TMPRSS11B: variants seen among roughly 807,000 people sequenced by gnomAD.
TMPRSS11B encodes the protein transmembrane protease serine 11B.
Under a neutral mutation model 44.7 loss-of-function variants are expected in TMPRSS11B, and 53 were observed. The ratio of observed to expected loss-of-function variants is 1.19; its 90% CI spans 0.95 to 1.49. The LOEUF (loss-of-function observed/expected upper bound fraction) is 1.49, where lower values mean the gene tolerates loss of function less well. TMPRSS11B is among the 40% of genes most tolerant of loss of function. The probability of loss-of-function intolerance (pLI) is 0.00; values close to 1 mark genes in which losing one functional copy is unlikely to be tolerated. For missense variants in TMPRSS11B, 526 were observed against 494.8 expected, an observed-to-expected ratio of 1.06 and a Z score of -0.60; for synonymous variants, 140 against 159.2, an observed-to-expected ratio of 0.88 and a Z score of 0.91.
Position 68,229,469 on chromosome 4 carries a change from T to C in TMPRSS11B, c.734A>G (p.Asn245Ser). 3 of 1,613,496 alleles carry C rather than the reference T, an allele frequency of 1.9e-6. 1 individual carries two copies. The highest frequency in any genetic ancestry group is 2.2e-5 in the South Asian group (2 of 90,960). The change falls in exon 8 of 10, where the codon AAT (asparagine) becomes AGT (serine). Residue 245 changes from asparagine (N) to serine (S), a missense_variant. By Grantham distance (46) the Asn-to-Ser change is conservative. Transcript: ENST00000332644. ...DWTVNFGIVV[N>S]KPYMTRKVQN... is the part of the protein sequence containing the mutation. ...GACTTTCCGTGTCATATATGGTTTA[T>C]TTACTACAATTCCAAAGTTGACAGT...
Position 68,226,796 on chromosome 4 carries a change from T to A in TMPRSS11B, c.*1115A>T, listed in dbSNP as rs1432101182. 1 of 152,214 alleles carries A rather than the reference T, an allele frequency of 6.6e-6. No homozygotes were observed. Among genetic ancestry groups the A allele is most frequent in the Non-Finnish European group, 1.5e-5 (1 of 68,036 alleles). 9.4% of individuals were successfully genotyped at this position (152,214 alleles called of 1,614,324 possible). A position where few individuals can be genotyped will look rare whatever the true frequency, so the allele number is the denominator to read the frequency against. The stretch of plus-strand genomic sequence containing the variant: ...TGATTGCACTTTTACTATAAGGAGA[T>A]GCCACACAGTTCTCTGCCCTTGATG... On this transcript the variant is annotated 3_prime_UTR_variant, in exon 10 of 10. Coordinates refer to ENST00000332644, the MANE Select transcript of TMPRSS11B (RefSeq NM_182502.3).
chr4:68,236,061 A>T lies in TMPRSS11B; in HGVS notation c.249T>A (p.Asn83Lys). The T allele has an allele frequency of 6.3e-7, 1 of 1,592,854 alleles. No homozygotes were observed. Among genetic ancestry groups the T allele is most frequent in the Non-Finnish European group, 8.5e-7 (1 of 1,170,846 alleles). Residue 83 changes from asparagine to lysine, a missense_variant, in exon 4 of 10, where the codon AAT (asparagine) becomes AAA (lysine). Physicochemically the swap from Asn to Lys is moderately conservative, Grantham distance 94. Transcript: ENST00000332644. ...LSKDIETKMLNAFQNSSIYKE... is the reference protein window; with the variant it reads ...LSKDIETKMLKAFQNSSIYKE... ...TATATATACTGGAATTTTGAAATGC[A>T]TTTAACATCTGACAAGAGAAAAAAA...
In TMPRSS11B at chr4:68,227,765, T is replaced by C. The variant is rs1719394552; in HGVS notation, c.*146A>G. The C allele has an allele frequency of 3.4e-5, 14 of 414,956 alleles. No individual in the cohort carries two copies. The highest frequency in any genetic ancestry group is 4.3e-5 in the Non-Finnish European group (12 of 276,872). 25.7% of individuals were successfully genotyped at this position (414,956 alleles called of 1,614,324 possible). On this transcript the variant is annotated 3_prime_UTR_variant, in exon 10 of 10. Transcript: ENST00000332644. The stretch of plus-strand genomic sequence containing the variant: ...ATAAATGCATGGACAGTGTTTTAGA[T>C]ATAATAAAATATTAATAAAGACATT...
chr4:68,234,775 A>G (rs761651929), intron 4 of TMPRSS11B, 152 bp from the exon 5 acceptor site: 12 of 799,144 alleles, frequency 1.5e-5, no homozygotes, highest in East Asian at 2.9e-5. Context: ...ATAAAATTCA[A>G]AGATATCTAA....
Position 68,227,649 on chromosome 4 carries a change from C to T in TMPRSS11B, c.*262G>A, listed in dbSNP as rs113681437. Reference sequence around the variant, plus strand: ...CTCAAACTCCTGGGCTCAAGCAATCCGCCTATCTCGGCCTCTCAAAGTGCT... The same window carrying T: ...CTCAAACTCCTGGGCTCAAGCAATCTGCCTATCTCGGCCTCTCAAAGTGCT... On this transcript the variant is annotated 3_prime_UTR_variant, in exon 10 of 10. Coordinates refer to ENST00000332644, the MANE Select transcript of TMPRSS11B (RefSeq NM_182502.3). 8.7e-3 allele frequency: 1,416 copies of T among 162,450 alleles called. 21 individuals are homozygous for T. The highest frequency in any genetic ancestry group is 0.032 in the African/African-American group (1,324 of 41,802). The allele number at this position is 162,450 out of a possible 1,614,324, so 10.1% of individuals were successfully genotyped here. A position where few individuals can be genotyped will look rare whatever the true frequency, so the allele number is the denominator to read the frequency against.
rs780497457 is a variant in TMPRSS11B, at chr4:68,228,746, C to A, written c.1085G>T (p.Cys362Phe). 4 of 1,608,392 alleles carry A rather than the reference C, an allele frequency of 2.5e-6. No individual in the cohort carries two copies. Among genetic ancestry groups the A allele is most frequent in the Non-Finnish European group, 3.4e-6 (4 of 1,177,810 alleles). Residue 362 changes from cysteine to phenylalanine, a missense_variant, in exon 9 of 10, where the codon TGT (cysteine) becomes TTT (phenylalanine). Transcript: ENST00000332644. ...AGFMSGEADA[C>F]QNDSGGPLAY... is the part of the protein sequence containing the mutation. Reference sequence around the variant, plus strand: ...GGATAATGTAACTAGACATACCTGACATGCATCAGCTTCTCCTGACATAAA... The same window carrying A: ...GGATAATGTAACTAGACATACCTGAAATGCATCAGCTTCTCCTGACATAAA...
chr4:68,229,493 G>A lies in TMPRSS11B; in HGVS notation c.710C>T (p.Thr237Ile), dbSNP rs765913982. Residue 237 changes from threonine (T) to isoleucine (I), a missense_variant, in exon 8 of 10, where the codon ACT (threonine) becomes ATT (isoleucine). Physicochemically the swap from Thr to Ile is moderately conservative, Grantham distance 89 (BLOSUM62 -1). Coordinates refer to ENST00000332644, the MANE Select transcript of TMPRSS11B (RefSeq NM_182502.3). Reference sequence around the variant, plus strand: ...ATTTACTACAATTCCAAAGTTGACAGTCCAATCTTTTGAATTATTTTTCCT... The same window carrying A: ...ATTTACTACAATTCCAAAGTTGACAATCCAATCTTTTGAATTATTTTTCCT... ...FAKKNNSKDW[T>I]VNFGIVVNKP... The A allele has an allele frequency of 6.2e-7, 1 of 1,612,416 alleles. No homozygotes were observed. Among genetic ancestry groups the A allele is most frequent in the African/African-American group, 1.3e-5 (1 of 74,924 alleles).
intron 1 of TMPRSS11B, among the ~76,000 whole-genome samples, chr4:68,243,823 G>C (rs1279325987): frequency 6.6e-6 from 1 of 151,970 alleles, no homozygotes; most frequent in Non-Finnish European, 1.5e-5. Flanking sequence ...GTTCTGAGAT[G>C]GTTTCAAAAT....
intron 2 of TMPRSS11B, among the ~76,000 whole-genome samples, chr4:68,240,282 C>T (rs1719788832): frequency 6.6e-6 from 1 of 152,146 alleles, no homozygotes; most frequent in Admixed American, 6.5e-5. Context: ...AGCAGAAACT[C>T]CTCTTCCAAA....
At chr4:68,234,325 T>G in intron 5 of TMPRSS11B, 138 bp downstream of exon 5, 2 of 780,400 alleles carry the variant, frequency 2.6e-6, no homozygotes, top group Non-Finnish European at 4.0e-6. Flanking sequence ...TACCAAGTCA[T>G]TGCTAGGGGT....
chr4:68,239,443 T>A (rs1351995730), intron 2 of TMPRSS11B, among the ~76,000 whole-genome samples: 1 of 152,174 alleles, frequency 6.6e-6, no homozygotes, highest in Non-Finnish European at 1.5e-5. Context: ...AGCATATTGG[T>A]CTTAAAAGTC....
chr4:68,228,930 T>C, intron 8 of TMPRSS11B, 46 bp from the exon 9 acceptor site: 1 of 1,582,666 alleles, frequency 6.3e-7, no homozygotes, highest in Non-Finnish European at 8.6e-7. Context: ...TAGACTTTGC[T>C]GGGACAAAGA....
chr4:68,240,203 G>A (rs145814406), intron 2 of TMPRSS11B, among the ~76,000 whole-genome samples: 24 of 152,178 alleles, frequency 1.6e-4, no homozygotes, highest in African/African-American at 5.8e-4. Context: ...GATTACAGTA[G>A]CTGTTATCCA....
intron 2 of TMPRSS11B, among the ~76,000 whole-genome samples, chr4:68,239,564 A>G (rs1231546989): frequency 1.3e-5 from 2 of 152,222 alleles, no homozygotes; most frequent in Non-Finnish European, 2.9e-5. Context: ...ATGGAAATCT[A>G]TTCTATATTC....
Position 68,242,319 on chromosome 4 carries a change from A to AT in TMPRSS11B, c.9-516dup, listed in dbSNP as rs1292567689. Reference sequence around the variant, plus strand: ...CATAATATAATATATATAATATTATATATATAATATTATATTATATATATA... The same window carrying AT: ...CATAATATAATATATATAATATTATATTATATAATATTATATTATATATATA... On this transcript the variant is annotated intron_variant, in intron 1 of 9. Transcript: ENST00000332644. 3.6e-4 allele frequency among the ~76,000 whole-genome samples: 26 copies of AT among 71,556 alleles called. 2 individuals carry two copies. Among genetic ancestry groups the AT allele is most frequent in the African/African-American group, 1.2e-3 (18 of 14,680 alleles). The allele number at this position is 71,556 out of a possible 152,430, so 46.9% of individuals were successfully genotyped here.
At position 68,234,525 on chromosome 4, in the gene TMPRSS11B, T is replaced by A; in HGVS notation, c.407A>T (p.His136Leu). 6.2e-7 allele frequency: 1 copy of A among 1,613,994 alleles called. No individual in the cohort carries two copies. The highest frequency in any genetic ancestry group is 8.5e-7 in the Non-Finnish European group (1 of 1,179,960). ...SMRTKIKAKL[H>L]QMLKNNMASW... ...TGCCATGTTGTTTTTCAACATCTGA[T>A]GTAATTTAGCCTTGATTTTAGTCCT... The change falls in exon 5 of 10, where the codon CAT (histidine) becomes CTT (leucine). Residue 136 changes from histidine to leucine, a missense_variant. His to Leu is a moderately conservative substitution (Grantham distance 99). Transcript: ENST00000332644.
intron 2 of TMPRSS11B, among the ~76,000 whole-genome samples, chr4:68,236,507 G>T (rs759084208): frequency 1.2e-4 from 19 of 152,082 alleles, no homozygotes; most frequent in Admixed American, 3.3e-4. Context: ...ATCCAAGGGA[G>T]GGAGAAAAAT....
Position 68,226,798 on chromosome 4 carries a change from C to A in TMPRSS11B, c.*1113G>T, listed in dbSNP as rs1719364210. ...ATTGCACTTTTACTATAAGGAGATG[C>A]CACACAGTTCTCTGCCCTTGATGAC... On this transcript the variant is annotated 3_prime_UTR_variant, in exon 10 of 10. Transcript: ENST00000332644. 6.6e-6 allele frequency: 1 copy of A among 152,150 alleles called. No homozygotes were observed. The highest frequency in any genetic ancestry group is 2.4e-5 in the African/African-American group (1 of 41,442). The allele number at this position is 152,150 out of a possible 1,614,324, so 9.4% of individuals were successfully genotyped here. A position where few individuals can be genotyped will look rare whatever the true frequency, so the allele number is the denominator to read the frequency against.
chr4:68,236,361 T>C (rs1401532929), intron 2 of TMPRSS11B, 95 bp from the exon 3 acceptor site: 21 of 749,334 alleles, frequency 2.8e-5, no homozygotes, highest in African/African-American at 5.3e-5. Flanking sequence ...CACCCAGCTT[T>C]AGAAATAATC....
Sources: allele counts gnomAD v4.1 joint callset (sites outside exome capture counted in the v4.1 genomes callset), GRCh38; gene constraint gnomAD v4.1.1; transcripts MANE v1.5; gene names NCBI Gene and HGNC (gene_info 2026-07-23, HGNC 2026-07-21).